Variants in ELAVL2 observed in about 807,000 individuals in gnomAD.
ELAVL2 encodes the protein ELAV-like protein 2.
Under a neutral mutation model 34.6 loss-of-function variants are expected in ELAVL2, and 4 were observed. The ratio of observed to expected loss-of-function variants is 0.12; its 90% confidence interval spans 0.06 to 0.26. The LOEUF is 0.26. Among genes scored for constraint, ELAVL2 ranks in the 10% least tolerant of loss-of-function variants. The probability of loss-of-function intolerance (pLI) is 1.00; values close to 1 mark genes in which losing one functional copy is unlikely to be tolerated. For missense variants in ELAVL2, 432 were observed against 442.8 expected, an observed-to-expected ratio of 0.98 and a Z score of 0.22; for synonymous variants, 193 against 154.8, an observed-to-expected ratio of 1.25 and a Z score of -1.83.
At chr9:23,787,114 T>G (rs1051011467) in intron 1 of ELAVL2, among the ~76,000 whole-genome samples, 1 of 151,988 alleles carries the variant, frequency 6.6e-6, no homozygotes, top group Non-Finnish European at 1.5e-5. Context: ...ATATGAGCAT[T>G]TGGAAAAGGA....
At chr9:23,844,176 T>C in the ELAVL2 span, among the ~76,000 whole-genome samples, 2 of 152,024 alleles carry the variant, frequency 1.3e-5, no homozygotes, top group African/African-American at 4.8e-5. Flanking sequence ...TCTGTGCTCC[T>C]AAAAGTACTT....
At chr9:23,784,096 G>T (rs1191561957) in intron 1 of ELAVL2, among the ~76,000 whole-genome samples, 1 of 152,110 alleles carries the variant, frequency 6.6e-6, no homozygotes, top group Admixed American at 6.5e-5. Context: ...TACTGAGGAG[G>T]CTGAGACAGG....
At chr9:23,810,031 A>AT (rs35176702) in intron 1 of ELAVL2, among the ~76,000 whole-genome samples, 114 of 152,006 alleles carry the variant, frequency 7.5e-4, no homozygotes, top group African/African-American at 2.7e-3. Flanking sequence ...TTGGGAACAC[A>AT]TTTTTTTTCA....
At chr9:23,735,688 A>C (rs1238359708) in intron 2 of ELAVL2, 1 of 152,198 alleles carries the variant, frequency 6.6e-6, no homozygotes, top group Non-Finnish European at 1.5e-5. Context: ...TTTTTAATCT[A>C]ACATACATGC....
At chr9:23,833,230 A>T in the ELAVL2 span, among the ~76,000 whole-genome samples, 4 of 151,858 alleles carry the variant, frequency 2.6e-5, no homozygotes, top group Non-Finnish European at 4.4e-5. Context: ...ATATTAAGAA[A>T]TATTATTTTA....
chr9:23,829,074 G>C (rs1167837493), upstream of ELAVL2, among the ~76,000 whole-genome samples: 1 of 152,174 alleles, frequency 6.6e-6, no homozygotes, highest in Non-Finnish European at 1.5e-5. Flanking sequence ...ATTTGCATTA[G>C]AAAGTATTTA....
intron 1 of ELAVL2, among the ~76,000 whole-genome samples, chr9:23,778,413 T>G (rs1225461279): frequency 1.3e-5 from 2 of 152,276 alleles, no homozygotes; most frequent in East Asian, 3.9e-4. Flanking sequence ...CATTTAAAAT[T>G]TCACCAATGT....
the ELAVL2 span, among the ~76,000 whole-genome samples, chr9:23,842,506 T>C: frequency 6.6e-6 from 1 of 152,128 alleles, no homozygotes; most frequent in South Asian, 2.1e-4. Context: ...GAAGCACCCT[T>C]GATACTGGCC....
intron 2 of ELAVL2, among the ~76,000 whole-genome samples, chr9:23,752,688 C>T (rs1162799563): frequency 1.3e-5 from 2 of 152,066 alleles, no homozygotes; most frequent in African/African-American, 4.8e-5. Flanking sequence ...CTCCTGATGT[C>T]AGATGATCTG....
chr9:23,741,243 C>T (rs1418379814), intron 2 of ELAVL2, among the ~76,000 whole-genome samples: 1 of 152,114 alleles, frequency 6.6e-6, no homozygotes, highest in Non-Finnish European at 1.5e-5. Flanking sequence ...AAGCATACTA[C>T]GCTGAACGTA....
intron 1 of ELAVL2, among the ~76,000 whole-genome samples, chr9:23,810,909 G>A (rs904035060): frequency 3.3e-5 from 5 of 152,122 alleles, no homozygotes; most frequent in Non-Finnish European, 7.4e-5. Flanking sequence ...CCAACTCCAC[G>A]TATTTTTCTA....
intron 1 of ELAVL2, among the ~76,000 whole-genome samples, chr9:23,788,278 A>G (rs1208612147): frequency 6.6e-6 from 1 of 152,316 alleles, no homozygotes; most frequent in African/African-American, 2.4e-5. Context: ...TGTTAACTCT[A>G]CGGTGATCCC....
At chr9:23,770,436 A>C (rs1455034792) in intron 1 of ELAVL2, among the ~76,000 whole-genome samples, 1 of 152,078 alleles carries the variant, frequency 6.6e-6, no homozygotes, top group Non-Finnish European at 1.5e-5. Context: ...GACAAGGGGG[A>C]ATTAAGATTG....
At chr9:23,718,065 G>A (rs1186666218) in intron 3 of ELAVL2, among the ~76,000 whole-genome samples, 3 of 152,116 alleles carry the variant, frequency 2.0e-5, no homozygotes, top group Non-Finnish European at 1.5e-5. Flanking sequence ...CTTGGAGACA[G>A]GCCTATTAGT....
At chr9:23,749,111 T>C (rs62541660) in intron 2 of ELAVL2, among the ~76,000 whole-genome samples, 1,669 of 152,206 alleles carry the variant, frequency 0.011, 30 homozygotes, top group Middle Eastern at 0.078. Context: ...AACTGTAAAC[T>C]TGAAAAGGTT....
intron 1 of ELAVL2, among the ~76,000 whole-genome samples, chr9:23,793,340 A>G (rs191654381): frequency 9.0e-4 from 137 of 152,334 alleles, no homozygotes; most frequent in African/African-American, 3.2e-3. Flanking sequence ...CCACATAAAT[A>G]GAAAATGGGA....
intron 1 of ELAVL2, among the ~76,000 whole-genome samples, chr9:23,791,152 C>T (rs888487486): frequency 4.6e-5 from 7 of 152,156 alleles, no homozygotes; most frequent in Admixed American, 1.3e-4. Context: ...TGTCAAAACT[C>T]AACTTTAAAA....
At chr9:23,772,480 G>T (rs1388392567) in intron 1 of ELAVL2, among the ~76,000 whole-genome samples, 1 of 139,464 alleles carries the variant, frequency 7.2e-6, no homozygotes, top group East Asian at 2.2e-4. Flanking sequence ...TATTTAGCAG[G>T]ACTTAGAGAT....
In ELAVL2 at chr9:23,789,267, C is replaced by T. The variant is rs571451374; in HGVS notation, c.-15-27018G>A. Among the ~76,000 whole-genome samples, 50 of 152,262 alleles carry T rather than the reference C, an allele frequency of 3.3e-4. No individual in the cohort carries two copies. In the South Asian group the frequency reaches 3.5e-3, roughly 11 times the overall value. Reference sequence around the variant, plus strand: ...TCTAGGCCAGTGCCCAGACACTAGACGCAGCCACAAGAAATGCAAGTTTTC... The same window carrying T: ...TCTAGGCCAGTGCCCAGACACTAGATGCAGCCACAAGAAATGCAAGTTTTC... On this transcript the variant is annotated intron_variant, in intron 1 of 6. Coordinates refer to ENST00000397312, the MANE Select transcript of ELAVL2 (RefSeq NM_004432.5).
Sources: allele counts gnomAD v4.1 joint callset (sites outside exome capture counted in the v4.1 genomes callset), GRCh38; gene constraint gnomAD v4.1.1; transcripts MANE v1.5; gene names NCBI Gene and HGNC (gene_info 2026-07-23, HGNC 2026-07-21).